ZNF469: variants seen among roughly 807,000 people sequenced by gnomAD.
ZNF469 encodes zinc finger protein 469.
ZNF469 carries 1 observed loss-of-function variant against 1.0 expected under a neutral mutation model. The ratio of observed to expected loss-of-function variants is 1.00; its 90% confidence interval spans 0.35 to 4.73. The LOEUF is 4.73. Ranked by LOEUF, ZNF469 falls within the 30% of genes most tolerant of loss-of-function variation. ZNF469 has a pLI of 0.16. For synonymous variants in ZNF469, 2,703 were observed against 2,363.4 expected, an observed-to-expected ratio of 1.14 and a Z score of -4.17; for missense variants, 6,100 against 5,356.3, an observed-to-expected ratio of 1.14 and a Z score of -4.33.
the ZNF469 span, among the ~76,000 whole-genome samples, chr16:88,174,939 CGTGTGTGTGT>C: frequency 6.7e-6 from 1 of 150,368 alleles, no homozygotes; most frequent in African/African-American, 2.4e-5. Context: ...TAGGGTCAAC[CGTGTGTGTGT>C]GTGTGTGTGT....
chr16:88,193,057 ATGG>A, the ZNF469 span, among the ~76,000 whole-genome samples: 2 of 62,898 alleles, frequency 3.2e-5, no homozygotes, highest in African/African-American at 6.5e-5. Context: ...GATGATGGTG[ATGG>A]TGGTGATGGT....
chr16:88,107,486 C>A, the ZNF469 span, among the ~76,000 whole-genome samples: 1 of 152,224 alleles, frequency 6.6e-6, no homozygotes, highest in African/African-American at 2.4e-5. Flanking sequence ...TCAGTCACCG[C>A]CCCCTGGGCT....
intron 1 of ZNF469, among the ~76,000 whole-genome samples, chr16:88,409,219 T>G (rs944681338): frequency 1.3e-5 from 2 of 152,240 alleles, no homozygotes; most frequent in African/African-American, 2.4e-5. Context: ...GTTCCTGACC[T>G]CACGGTGACT....
At chr16:88,139,343 G>A in the ZNF469 span, among the ~76,000 whole-genome samples, 1 of 152,040 alleles carries the variant, frequency 6.6e-6, no homozygotes, top group Non-Finnish European at 1.5e-5. Context: ...CCTGGCCTGG[G>A]GATGTGACGA....
chr16:88,210,772 G>A, the ZNF469 span, among the ~76,000 whole-genome samples: 12 of 152,280 alleles, frequency 7.9e-5, no homozygotes, highest in Non-Finnish European at 1.0e-4. Context: ...CTTTTCCACC[G>A]TTCTGTTTTG....
In ZNF469 at chr16:88,437,705, G is replaced by A. The variant is rs751080818; in HGVS notation, c.10235G>A (p.Arg3412His). ...YACELCATVMRIIKKSFACSS... is the reference protein window; with the variant it reads ...YACELCATVMHIIKKSFACSS... ...TGCGAGCTCTGCGCCACGGTTATGC[G>A]CATCATCAAGAAGTCCTTCGCCTGC... The change falls in exon 3 of 3, where the codon CGC becomes CAC. Residue 3412 changes from arginine to histidine, a missense_variant. By Grantham distance (29) the Arg-to-His change is conservative. Transcript: ENST00000565624. 9 of 1,549,702 alleles carry A rather than the reference G, an allele frequency of 5.8e-6. No individual in the cohort carries two copies. The East Asian group carries it at 1.7e-4, about 29-fold the overall frequency.
chr16:88,115,804 A>G, the ZNF469 span, among the ~76,000 whole-genome samples: 1 of 151,896 alleles, frequency 6.6e-6, no homozygotes, highest in Middle Eastern at 3.4e-3. Context: ...TATTCCTTCC[A>G]GAGGCTCTGG....
chr16:88,393,272 G>T (rs992140997), intron 1 of ZNF469, among the ~76,000 whole-genome samples: 2 of 152,276 alleles, frequency 1.3e-5, no homozygotes, highest in Non-Finnish European at 2.9e-5. Context: ...CCCGGTGAGT[G>T]GGAGCATGCC....
the ZNF469 span, among the ~76,000 whole-genome samples, chr16:88,119,356 C>G: frequency 1.3e-5 from 2 of 152,322 alleles, no homozygotes; most frequent in Non-Finnish European, 2.9e-5. Flanking sequence ...GAAGCCTGGC[C>G]GTCCGCAGCC....
At chr16:88,152,354 A>G in the ZNF469 span, among the ~76,000 whole-genome samples, 2 of 152,138 alleles carry the variant, frequency 1.3e-5, no homozygotes, top group South Asian at 2.1e-4. This position sits in a 1 kb window ranked among gnomAD's most constrained non-coding sequence, Gnocchi z 4.2. Context: ...ATAGCTCTCC[A>G]ACACTCCTCT....
the ZNF469 span, among the ~76,000 whole-genome samples, chr16:88,108,933 C>T: frequency 1.3e-5 from 2 of 152,194 alleles, no homozygotes; most frequent in Non-Finnish European, 2.9e-5. Flanking sequence ...CGACGGCAGC[C>T]TCATGAGTGA....
At chr16:88,332,419 G>A in the ZNF469 span, among the ~76,000 whole-genome samples, 3 of 152,248 alleles carry the variant, frequency 2.0e-5, no homozygotes, top group Admixed American at 6.5e-5. Context: ...CCCCCTCTGT[G>A]CCGGCTCTCC....
At chr16:88,143,983 G>A in the ZNF469 span, among the ~76,000 whole-genome samples, 1,489 of 152,164 alleles carry the variant, frequency 9.8e-3, 27 homozygotes, top group African/African-American at 0.032. Context: ...CCCGCCCATC[G>A]TCAGCGTTTA....
At chr16:88,381,424 TCA>T (rs10641858), upstream of ZNF469, among the ~76,000 whole-genome samples, 6,605 of 150,978 alleles carry the variant, frequency 0.044, 204 homozygotes, top group Middle Eastern at 0.08. Context: ...ATGCACTCTC[TCA>T]CACACACACA....
upstream of ZNF469, among the ~76,000 whole-genome samples, chr16:88,381,280 A>T (rs563133152): frequency 2.7e-5 from 4 of 148,060 alleles, no homozygotes; most frequent in Middle Eastern, 3.5e-3. Flanking sequence ...ACATGCACTC[A>T]CACACACGCA....
chr16:88,297,347 C>T, the ZNF469 span, among the ~76,000 whole-genome samples: 4 of 152,318 alleles, frequency 2.6e-5, no homozygotes, highest in East Asian at 1.9e-4. Flanking sequence ...AAGACGGGTG[C>T]GTGCATGACA....
chr16:88,227,162 C>T, the ZNF469 span, among the ~76,000 whole-genome samples: 2 of 152,140 alleles, frequency 1.3e-5, no homozygotes, highest in Admixed American at 6.5e-5. Context: ...TGCAGGGATC[C>T]CTGCGGCCAG....
the ZNF469 span, among the ~76,000 whole-genome samples, chr16:88,376,333 G>T: frequency 3.3e-5 from 5 of 152,390 alleles, no homozygotes; most frequent in African/African-American, 9.6e-5. Context: ...TTCGGACTGC[G>T]GACGTCTGAC....
the ZNF469 span, among the ~76,000 whole-genome samples, chr16:88,210,091 A>T: frequency 5.3e-5 from 8 of 152,236 alleles, no homozygotes; most frequent in African/African-American, 1.9e-4. Flanking sequence ...GCAGTCTGAG[A>T]GGTGAGAAAT....
Sources: allele counts gnomAD v4.1 joint callset (sites outside exome capture counted in the v4.1 genomes callset), GRCh38; gene constraint gnomAD v4.1.1; non-coding constraint Gnocchi (gnomAD v3.1); transcripts MANE v1.5; gene names NCBI Gene and HGNC (gene_info 2026-07-23, HGNC 2026-07-21).